The following ANKRD27 variants were observed in gnomAD, a reference collection of about 807,000 sequenced individuals.
ANKRD27 encodes ankyrin repeat domain-containing protein 27.
Under a neutral mutation model 129.7 loss-of-function variants are expected in ANKRD27, and 112 were observed. The observed-to-expected ratio is 0.86, with a 90% CI of 0.74 to 1.01. The LOEUF (loss-of-function observed/expected upper bound fraction) is 1.01. Ranked by LOEUF, ANKRD27 falls within the 50% of genes least tolerant of loss-of-function variation. The pLI is 0.00. For missense variants in ANKRD27, 1,258 were observed against 1,300.5 expected (o/e 0.97, Z 0.50); for synonymous variants, 516 against 511.2 (o/e 1.01, Z -0.13).
At chr19:32,601,529 G>A (rs1160859878) in intron 26 of ANKRD27, among the ~76,000 whole-genome samples, 1 of 145,008 alleles carries the variant, frequency 6.9e-6, no homozygotes, top group Non-Finnish European at 1.5e-5. Flanking sequence ...GGAGAATGGC[G>A]TGAACCCAGG....
chr19:32,604,196 C>A lies in ANKRD27; in HGVS notation c.2655+67G>T, dbSNP rs558257040. ...GTTGCTATTTTAGATCCAGCTTAAA[C>A]AAAGGGATCCAGAGGGAGCTGTGAG... On this transcript the variant is annotated intron_variant, in intron 25 of 28. Transcript: ENST00000306065. The A allele has an allele frequency of 2.0e-5, 30 of 1,506,650 alleles. No homozygotes were observed. In the East Asian group the frequency reaches 2.5e-4, roughly 13 times the overall value. The allele number at this position is 1,506,650 out of a possible 1,614,324, so 93.3% of individuals were successfully genotyped here.
At chr19:32,643,377 AG>A in intron 7 of ANKRD27, 25 bp from the exon 8 acceptor site, 2 of 1,613,936 alleles carry the variant, frequency 1.2e-6, no homozygotes, top group Non-Finnish European at 1.7e-6. Flanking sequence ...GACCCCATTC[AG>A]GGTGTGAGCG....
At position 32,614,097 on chromosome 19, in the gene ANKRD27, T is replaced by C. The variant is rs73577309; in HGVS notation, c.2175+1561A>G. 1.9e-3 allele frequency among the ~76,000 whole-genome samples: 278 copies of C among 150,196 alleles called. 1 individual carries two copies. The highest frequency in any genetic ancestry group is 6.5e-3 in the African/African-American group (266 of 40,816). ...GGGGTGGGCGTGGCAGGGAGAGAGG[T>C]GGGTGTGGCTGTAAGAGGGCAGTTT... is the stretch of plus-strand genomic sequence containing the variant. On this transcript the variant is annotated intron_variant, in intron 22 of 28. Coordinates refer to ENST00000306065, the MANE Select transcript of ANKRD27 (RefSeq NM_032139.3).
At chr19:32,622,845 A>G (rs925939708) in intron 17 of ANKRD27, among the ~76,000 whole-genome samples, 6 of 151,916 alleles carry the variant, frequency 3.9e-5, no homozygotes, top group African/African-American at 1.2e-4. Context: ...TGATGCAATA[A>G]TAGCTCACTG....
At chr19:32,649,850 A>G in intron 2 of ANKRD27, 58 bp from the exon 3 acceptor site, 1 of 1,167,164 alleles carries the variant, frequency 8.6e-7, no homozygotes, top group Non-Finnish European at 1.3e-6. Context: ...ACCTCAGCAG[A>G]ACAAGGTGTC....
rs562868796 is a variant in ANKRD27, at chr19:32,655,519, A to T, written c.102+3395T>A. On this transcript the variant is annotated intron_variant, in intron 2 of 28. Transcript: ENST00000306065. ...CCCTGAAAGGAAGGTGACAAGGCAG[A>T]AAAGTTCATTCAAAATCCCCCTTTT... Among the ~76,000 whole-genome samples, 11 of 152,338 alleles carry T rather than the reference A, an allele frequency of 7.2e-5. No homozygotes were observed. In the South Asian group the frequency reaches 2.3e-3, roughly 32 times the overall value.
At chr19:32,604,683 T>G (rs1971705244) in intron 24 of ANKRD27, among the ~76,000 whole-genome samples, 1 of 152,172 alleles carries the variant, frequency 6.6e-6, no homozygotes, top group African/African-American at 2.4e-5. Flanking sequence ...AAAATCACTA[T>G]GGTATATCCA....
chr19:32,653,196 C>T (rs371070146), intron 2 of ANKRD27, among the ~76,000 whole-genome samples: 1 of 152,260 alleles, frequency 6.6e-6, no homozygotes, highest in East Asian at 1.9e-4. Context: ...TTGTTGGAAG[C>T]ATCTATACTA....
At chr19:32,599,028 C>G (rs1157160342) in intron 28 of ANKRD27, among the ~76,000 whole-genome samples, 1 of 152,100 alleles carries the variant, frequency 6.6e-6, no homozygotes, top group African/African-American at 2.4e-5. Context: ...ACTTGTAATC[C>G]CAGCACACTG....
intron 12 of ANKRD27, 39 bp from the exon 13 acceptor site, chr19:32,631,533 G>A: frequency 6.4e-7 from 1 of 1,560,058 alleles, no homozygotes; most frequent in Non-Finnish European, 8.8e-7. Flanking sequence ...AGATGTCAGT[G>A]CAGATCCTTC....
intron 11 of ANKRD27, 70 bp from the exon 12 acceptor site, chr19:32,639,558 G>T: frequency 1.3e-6 from 2 of 1,529,104 alleles, no homozygotes. Context: ...AAATATCATT[G>T]GCTTGGGCAA....
intron 12 of ANKRD27, among the ~76,000 whole-genome samples, chr19:32,637,034 C>G (rs550697749): frequency 2.6e-5 from 4 of 152,284 alleles, no homozygotes; most frequent in African/African-American, 9.6e-5. Flanking sequence ...AGGCGTGAGC[C>G]ACCGTGCCCG....
chr19:32,668,468 T>C (rs1967802170), intron 1 of ANKRD27, among the ~76,000 whole-genome samples: 1 of 141,996 alleles, frequency 7.0e-6, no homozygotes, highest in African/African-American at 2.6e-5. Context: ...CCCAGTCTTA[T>C]CTTCATCTTT....
chr19:32,636,721 CTCTA>C (rs1449770521), intron 12 of ANKRD27, among the ~76,000 whole-genome samples: 1 of 147,210 alleles, frequency 6.8e-6, no homozygotes, highest in Non-Finnish European at 1.5e-5. Flanking sequence ...CTCTCTCTCT[CTCTA>C]TATATATATA....
intron 28 of ANKRD27, among the ~76,000 whole-genome samples, chr19:32,598,842 C>T (rs1971608757): frequency 6.6e-6 from 1 of 152,130 alleles, no homozygotes; most frequent in African/African-American, 2.4e-5. Flanking sequence ...TTATCTAAAA[C>T]AATTTAGAAC....
intron 16 of ANKRD27, 25 bp from the exon 17 acceptor site, chr19:32,625,991 A>G: frequency 6.4e-7 from 1 of 1,569,934 alleles, no homozygotes; most frequent in Non-Finnish European, 8.6e-7. Flanking sequence ...GAAAGCGATG[A>G]GCAGGGCACA....
chr19:32,608,072 T>C (rs1223825229), intron 22 of ANKRD27, among the ~76,000 whole-genome samples: 4 of 151,678 alleles, frequency 2.6e-5, no homozygotes, highest in Non-Finnish European at 5.9e-5. Context: ...ACCACCATCA[T>C]GGCTCACTAC....
intron 25 of ANKRD27, among the ~76,000 whole-genome samples, chr19:32,603,903 T>C (rs1971689537): frequency 6.6e-6 from 1 of 152,184 alleles, no homozygotes; most frequent in South Asian, 2.1e-4. Context: ...ACAACGGCTG[T>C]GTTCACACTG....
At chr19:32,607,488 C>G (rs983765792) in intron 23 of ANKRD27, 147 bp downstream of exon 23, 17 of 966,384 alleles carry the variant, frequency 1.8e-5, no homozygotes, top group Non-Finnish European at 2.5e-5. Context: ...GGCTGAGTGG[C>G]CTACCGTGTG....
Sources: allele counts gnomAD v4.1 joint callset (sites outside exome capture counted in the v4.1 genomes callset), GRCh38; gene constraint gnomAD v4.1.1; transcripts MANE v1.5; gene names NCBI Gene and HGNC (gene_info 2026-07-23, HGNC 2026-07-21).